Variants in MYRIP observed in about 807,000 individuals in gnomAD.
The protein encoded by MYRIP is myosin VIIA and Rab interacting protein, also known as rab effector MyRIP.
Under a neutral mutation model 98.0 loss-of-function variants are expected in MYRIP, and 49 were observed. That is an observed-to-expected ratio of 0.50 (90% confidence interval 0.40 to 0.63). The LOEUF is 0.63. Among genes scored for constraint, MYRIP ranks in the 30% least tolerant of loss-of-function variants. The pLI is 0.00. For synonymous variants in MYRIP, 404 were observed against 409.5 expected, an observed-to-expected ratio of 0.99 and a Z score of 0.16; for missense variants, 1,004 against 1,058.2, an observed-to-expected ratio of 0.95 and a Z score of 0.71.
chr3:39,873,052 T>C (rs913306481), intron 1 of MYRIP, among the ~76,000 whole-genome samples: 7 of 152,232 alleles, frequency 4.6e-5, no homozygotes. Flanking sequence ...AGATGATATC[T>C]CATTGTGGTT....
chr3:39,890,519 T>A (rs1309786762), intron 1 of MYRIP, among the ~76,000 whole-genome samples: 1 of 152,096 alleles, frequency 6.6e-6, no homozygotes, highest in Admixed American at 6.6e-5. Flanking sequence ...AAACTTAATA[T>A]TTTTGTATAG....
chr3:39,923,441 A>G (rs925094136), intron 2 of MYRIP, among the ~76,000 whole-genome samples: 4 of 152,190 alleles, frequency 2.6e-5, no homozygotes, highest in African/African-American at 9.6e-5. Context: ...ATACCTGCAC[A>G]GGGAAAACAA....
intron 4 of MYRIP, among the ~76,000 whole-genome samples, chr3:40,156,124 A>C (rs2125581420): frequency 6.6e-6 from 1 of 151,796 alleles, no homozygotes; most frequent in Admixed American, 6.6e-5. Flanking sequence ...TTATGGTTTT[A>C]GGTCTAACAT....
intron 3 of MYRIP, among the ~76,000 whole-genome samples, chr3:40,082,835 G>A (rs1218821323): frequency 6.6e-6 from 1 of 152,090 alleles, no homozygotes; most frequent in Non-Finnish European, 1.5e-5. Flanking sequence ...CATTTCTTTT[G>A]CAGATAAATT....
intron 11 of MYRIP, among the ~76,000 whole-genome samples, chr3:40,219,318 GTTTTA>G (rs1170466642): frequency 5.9e-5 from 9 of 152,058 alleles, no homozygotes; most frequent in African/African-American, 1.9e-4. Context: ...TATTTTGTTT[GTTTTA>G]TTTTATTTTT....
chr3:39,988,322 A>G (rs1372863873), intron 2 of MYRIP, among the ~76,000 whole-genome samples: 1 of 152,054 alleles, frequency 6.6e-6, no homozygotes, highest in African/African-American at 2.4e-5. Context: ...ATAAAAAAAA[A>G]AAGATTGTTG....
chr3:40,004,762 A>C (rs1946595563), intron 2 of MYRIP, among the ~76,000 whole-genome samples: 1 of 152,172 alleles, frequency 6.6e-6, no homozygotes, highest in African/African-American at 2.4e-5. Flanking sequence ...TACTTCACTT[A>C]GAATAATGGT....
intron 1 of MYRIP, among the ~76,000 whole-genome samples, chr3:39,812,404 G>T (rs1940725857): frequency 6.6e-6 from 1 of 152,116 alleles, no homozygotes; most frequent in African/African-American, 2.4e-5. Flanking sequence ...GAATAATTTA[G>T]CCTTACAATC....
At chr3:40,185,685 A>G (rs969845916) in intron 9 of MYRIP, among the ~76,000 whole-genome samples, 3 of 152,178 alleles carry the variant, frequency 2.0e-5, no homozygotes, top group African/African-American at 7.2e-5. Context: ...CTAGGGTTGT[A>G]AAAAAGCAGG....
At chr3:40,215,840 A>G (rs1471686270) in intron 11 of MYRIP, among the ~76,000 whole-genome samples, 1 of 152,156 alleles carries the variant, frequency 6.6e-6, no homozygotes, top group African/African-American at 2.4e-5. Context: ...CTATTGAGGA[A>G]TTAACACCTC....
At chr3:39,813,878 T>C (rs1399018295) in intron 1 of MYRIP, among the ~76,000 whole-genome samples, 1 of 151,470 alleles carries the variant, frequency 6.6e-6, no homozygotes, top group East Asian at 1.9e-4. Context: ...AACAACATGT[T>C]ATGGACACCT....
rs557492258 is a variant in MYRIP, at chr3:39,934,348, C to T, written c.110+33422C>T. On this transcript the variant is annotated intron_variant, in intron 2 of 16. Coordinates refer to ENST00000302541, the MANE Select transcript of MYRIP (RefSeq NM_015460.4). ...TGTTTTTCATGTCTACTCTCAGGACCTTTTTCTTTAGTGAGGACCCAAGAT... is the reference window on the plus strand; with the variant it reads ...TGTTTTTCATGTCTACTCTCAGGACTTTTTTCTTTAGTGAGGACCCAAGAT... Among the ~76,000 whole-genome samples the T allele has an allele frequency of 9.9e-5, 15 of 152,100 alleles. No homozygotes were observed. In the South Asian group the frequency reaches 1.5e-3, roughly 15 times the overall value.
Position 40,170,068 on chromosome 3 carries a change from G to T in MYRIP, c.848G>T (p.Gly283Val). The T allele has an allele frequency of 6.2e-7, 1 of 1,614,222 alleles. No individual in the cohort carries two copies. The highest frequency in any genetic ancestry group is 1.1e-5 in the South Asian group (1 of 91,088). ...ADEGTSASPG[G>V]YRAPAALWRS... Reference sequence around the variant, plus strand: ...GAGGGGACCTCAGCATCCCCTGGAGGCTACCGTGCTCCCGCTGCCCTCTGG... The same window carrying T: ...GAGGGGACCTCAGCATCCCCTGGAGTCTACCGTGCTCCCGCTGCCCTCTGG... Residue 283 changes from glycine (G) to valine (V), a missense_variant, in exon 8 of 17, where the codon GGC (glycine) becomes GTC (valine). Gly to Val is a moderately radical substitution (Grantham distance 109). Transcript: ENST00000302541.
intron 2 of MYRIP, among the ~76,000 whole-genome samples, chr3:40,005,782 T>C (rs1338920260): frequency 6.6e-6 from 1 of 152,218 alleles, no homozygotes; most frequent in African/African-American, 2.4e-5. Flanking sequence ...CATGTAATAC[T>C]TTGCAAATCT....
chr3:40,172,398 T>C (rs1950637140), intron 8 of MYRIP, among the ~76,000 whole-genome samples: 1 of 152,072 alleles, frequency 6.6e-6, no homozygotes, highest in Non-Finnish European at 1.5e-5. Context: ...AGGGCACTGC[T>C]ACAGGGGGAA....
At chr3:40,178,488 ATCAG>A (rs1199190099) in intron 8 of MYRIP, among the ~76,000 whole-genome samples, 1 of 152,148 alleles carries the variant, frequency 6.6e-6, no homozygotes, top group African/African-American at 2.4e-5. Flanking sequence ...TCGAATTGGA[ATCAG>A]TCAGACCCGA....
chr3:40,214,279 G>A (rs974929099), intron 11 of MYRIP, among the ~76,000 whole-genome samples: 1 of 152,158 alleles, frequency 6.6e-6, no homozygotes, highest in Admixed American at 6.5e-5. Flanking sequence ...CACAGAGGGG[G>A]AGCTCAGCCA....
chr3:39,872,873 A>G (rs1942846749), intron 1 of MYRIP, among the ~76,000 whole-genome samples: 1 of 152,230 alleles, frequency 6.6e-6, no homozygotes. Context: ...TGGCTGGGTC[A>G]AATGGCATTT....
At chr3:40,049,177 G>A (rs544493073) in intron 3 of MYRIP, among the ~76,000 whole-genome samples, 14 of 152,134 alleles carry the variant, frequency 9.2e-5, no homozygotes, top group East Asian at 5.8e-4. Flanking sequence ...CATTTTGTAC[G>A]TCATAGGCAT....
Sources: allele counts gnomAD v4.1 joint callset (sites outside exome capture counted in the v4.1 genomes callset), GRCh38; gene constraint gnomAD v4.1.1; transcripts MANE v1.5; gene names NCBI Gene and HGNC (gene_info 2026-07-23, HGNC 2026-07-21).